The following NFX1 variants were observed in gnomAD, a reference collection of about 807,000 sequenced individuals.
NFX1 encodes the protein transcriptional repressor NF-X1.
In NFX1, 69 loss-of-function variants were observed where a neutral mutation model predicts 137.2. The observed-to-expected ratio is 0.50, with a 90% CI of 0.41 to 0.61. The LOEUF (loss-of-function observed/expected upper bound fraction) is 0.61, where lower values mean the gene tolerates loss of function less well. Among genes scored for constraint, NFX1 ranks in the 20% least tolerant of loss-of-function variants. The pLI is 0.00. For missense variants in NFX1, 1,167 were observed against 1,391.0 expected (o/e 0.84, Z 2.56); for synonymous variants, 495 against 474.1 (o/e 1.04, Z -0.57).
chr9:33,303,418 C>A, intron 4 of NFX1, 150 bp downstream of exon 4: 1 of 667,172 alleles, frequency 1.5e-6, no homozygotes, highest in South Asian at 1.9e-5. Context: ...TGGTCCATCA[C>A]ACAGCTAGAG....
intron 1 of NFX1, among the ~76,000 whole-genome samples, chr9:33,293,446 A>G (rs1189446019): frequency 6.6e-6 from 1 of 152,184 alleles, no homozygotes; most frequent in East Asian, 1.9e-4. Flanking sequence ...GTGTGTTATT[A>G]ACTTGCTTTA....
chr9:33,362,081 A>G (rs1249615398), intron 19 of NFX1, among the ~76,000 whole-genome samples: 2 of 150,714 alleles, frequency 1.3e-5, no homozygotes, highest in African/African-American at 2.4e-5. Flanking sequence ...AGATCATGCC[A>G]CTGCACTCCA....
chr9:33,325,870 A>G (rs1822566440), intron 9 of NFX1, among the ~76,000 whole-genome samples: 1 of 152,230 alleles, frequency 6.6e-6, no homozygotes. Context: ...AGCACTAGTA[A>G]AGATGATTAT....
At chr9:33,365,037 G>A in intron 21 of NFX1, 1 of 1,208,948 alleles carries the variant, frequency 8.3e-7, no homozygotes, top group Non-Finnish European at 1.0e-6. Flanking sequence ...ACTTTGGGAG[G>A]CCAAGGCAGG....
At chr9:33,358,259 G>A (rs1373077982) in intron 19 of NFX1, among the ~76,000 whole-genome samples, 1 of 151,814 alleles carries the variant, frequency 6.6e-6, no homozygotes, top group Non-Finnish European at 1.5e-5. Context: ...CAAGTAGCTG[G>A]GACTGCAGGT....
intron 6 of NFX1, among the ~76,000 whole-genome samples, chr9:33,312,719 A>G (rs993143500): frequency 6.6e-6 from 1 of 152,188 alleles, no homozygotes; most frequent in African/African-American, 2.4e-5. Context: ...AAAAATACAA[A>G]AATTGGCTGG....
chr9:33,363,273 T>TATC (rs1425652799), intron 19 of NFX1, among the ~76,000 whole-genome samples: 15 of 94,612 alleles, frequency 1.6e-4, no homozygotes, highest in Non-Finnish European at 1.3e-4. Flanking sequence ...GTATTATTAT[T>TATC]ATTATTATTA....
chr9:33,342,655 G>T, intron 12 of NFX1, 91 bp from the exon 13 acceptor site: 1 of 848,762 alleles, frequency 1.2e-6, no homozygotes, highest in South Asian at 1.8e-5. Context: ...CCATAAATGT[G>T]TAGAGCTTTG....
rs1824179916 is a variant in NFX1 at position 33,366,694 on chromosome 9, T to A, written c.3105T>A (p.His1035Gln). Residue 1035 changes from histidine to glutamine, a missense_variant, in exon 22 of 24, where the codon CAT (histidine) becomes CAA (glutamine). By Grantham distance (24) the His-to-Gln change is conservative (BLOSUM62 0). Coordinates refer to ENST00000379540, the MANE Select transcript of NFX1 (RefSeq NM_002504.6). ...PMNRDHRRII[H>Q]DLAQVYGLES... The stretch of plus-strand genomic sequence containing the variant: ...ACAGAGACCACCGCCGGATCATCCA[T>A]GACTTGGCCCAAGTTTATGGCCTGG... 2 of 1,614,110 alleles carry A rather than the reference T, an allele frequency of 1.2e-6. No individual in the cohort carries two copies. The highest frequency in any genetic ancestry group is 2.7e-5 in the African/African-American group (2 of 74,954).
At chr9:33,328,442 C>T in intron 9 of NFX1, 139 bp from the exon 10 acceptor site, 2 of 621,598 alleles carry the variant, frequency 3.2e-6, no homozygotes, top group South Asian at 3.9e-5. Context: ...AGGGAAGAAG[C>T]ATTGACTGCA....
rs1821290177 is a variant in NFX1, at chr9:33,294,795, T to C, written c.401T>C (p.Leu134Ser). ...LAEQTSDTAG[L>S]ESSTRSESGT... ...GAGCAGACCTCAGATACAGCTGGAT[T>C]AGAGAGCTCGACCAGATCAGAGAGT... Residue 134 changes from leucine (L) to serine (S), a missense_variant, in exon 2 of 24, where the codon TTA (leucine) becomes TCA (serine). Around this residue, in one of 3 missense-constraint regions of NFX1, gnomAD observed 367 missense variants for 386.7 expected, o/e 0.95. Coordinates refer to ENST00000379540, the MANE Select transcript of NFX1 (RefSeq NM_002504.6). 1.9e-6 allele frequency: 3 copies of C among 1,613,990 alleles called. No individual in the cohort carries two copies. The highest frequency in any genetic ancestry group is 2.5e-6 in the Non-Finnish European group (3 of 1,180,016).
rs1296505529 is a variant in NFX1 at position 33,328,656 on chromosome 9, G to A, written c.1982G>A (p.Cys661Tyr). 6.2e-7 allele frequency: 1 copy of A among 1,611,128 alleles called. No homozygotes were observed. The change falls in exon 10 of 24, where the codon TGC becomes TAC. Residue 661 changes from cysteine to tyrosine, a missense_variant. By Grantham distance (194) the Cys-to-Tyr change is radical. This residue lies in a region of NFX1 where 488 missense variants were observed against 691.5 expected (regional missense o/e 0.71). Coordinates refer to ENST00000379540, the MANE Select transcript of NFX1 (RefSeq NM_002504.6). ...GPCSRTSVISCRCSFRTKELP... is the reference protein window; with the variant it reads ...GPCSRTSVISYRCSFRTKELP... ...TGCTCTCGCACATCAGTTATTTCCT[G>A]CAGATGCTCTTTCAGAACAAAGGTA...
intron 12 of NFX1, among the ~76,000 whole-genome samples, chr9:33,340,414 G>A (rs377263790): frequency 6.6e-6 from 1 of 152,340 alleles, no homozygotes; most frequent in East Asian, 1.9e-4. Flanking sequence ...GCTGCATGCA[G>A]CAGGGGGACC....
At chr9:33,350,376 G>A (rs1432821455) in intron 15 of NFX1, among the ~76,000 whole-genome samples, 1 of 151,292 alleles carries the variant, frequency 6.6e-6, no homozygotes, top group African/African-American at 2.4e-5. Context: ...CCTGGGCTAA[G>A]GTTGCCCTCC....
At chr9:33,347,017 G>T (rs1823446362) in intron 14 of NFX1, 21 bp from the exon 15 acceptor site, 1 of 1,592,606 alleles carries the variant, frequency 6.3e-7, no homozygotes, top group South Asian at 1.1e-5. Context: ...TATTCCTAAA[G>T]TTACCTTTCT....
At chr9:33,338,462 T>A (rs1823094570) in intron 11 of NFX1, 48 bp from the exon 12 acceptor site, 1 of 1,495,752 alleles carries the variant, frequency 6.7e-7, no homozygotes, top group Non-Finnish European at 9.3e-7. Flanking sequence ...GTATGAATGT[T>A]CATATCCTTT....
chr9:33,306,982 A>C (rs1453772619), intron 4 of NFX1, among the ~76,000 whole-genome samples: 1 of 152,206 alleles, frequency 6.6e-6, no homozygotes, highest in Non-Finnish European at 1.5e-5. Flanking sequence ...TTCCCAGGTA[A>C]TCCAAGATTT....
intron 19 of NFX1, among the ~76,000 whole-genome samples, chr9:33,361,849 T>TA (rs1564149580): frequency 1.3e-5 from 2 of 150,212 alleles, no homozygotes; most frequent in African/African-American, 2.5e-5. Flanking sequence ...AGGGGCCCGT[T>TA]ACAGCGGCTC....
At chr9:33,317,239 C>T (rs1822194932) in intron 7 of NFX1, among the ~76,000 whole-genome samples, 1 of 150,316 alleles carries the variant, frequency 6.7e-6, no homozygotes, top group Non-Finnish European at 1.5e-5. Context: ...GGCAACATGG[C>T]AAAACCCCAT....
Sources: allele counts gnomAD v4.1 joint callset (sites outside exome capture counted in the v4.1 genomes callset), GRCh38; gene constraint gnomAD v4.1.1; regional missense constraint gnomAD v4.1.1; transcripts MANE v1.5; gene names NCBI Gene and HGNC (gene_info 2026-07-23, HGNC 2026-07-21).